The following NME9 variants were observed in gnomAD, a reference collection of about 807,000 sequenced individuals.
NME9 encodes thioredoxin domain-containing protein 6.
NME9 carries 48 observed loss-of-function variants against 44.4 expected under a neutral mutation model. The ratio of observed to expected loss-of-function variants is 1.08; its 90% CI spans 0.86 to 1.37. NME9 has a LOEUF of 1.37. Ranked by LOEUF, NME9 falls within the 40% of genes most tolerant of loss-of-function variation. The pLI is 0.00. For missense variants in NME9, 325 were observed against 405.2 expected, an observed-to-expected ratio of 0.80 and a Z score of 1.70; for synonymous variants, 139 against 147.1, an observed-to-expected ratio of 0.94 and a Z score of 0.40.
In NME9 at chr3:138,329,655, C is replaced by CGT; in HGVS notation, c.-321_-320insAC. The CGT allele has an allele frequency of 8.4e-7, 1 of 1,194,388 alleles. No homozygotes were observed. The highest frequency in any genetic ancestry group is 1.0e-6 in the Non-Finnish European group (1 of 960,404). 74.0% of individuals were successfully genotyped at this position (1,194,388 alleles called of 1,614,324 possible). Reference sequence around the variant, plus strand: ...CGCGCAGAGGCCGGAGTCAGTGCGCCGGGCGCGGTGCAGCCTGTCGGGCAC... The same window carrying CGT: ...CGCGCAGAGGCCGGAGTCAGTGCGCCGTGGGCGCGGTGCAGCCTGTCGGGCAC... On this transcript the variant is annotated 5_prime_UTR_variant, in exon 1 of 11. An upstream open reading frame in the 5' UTR gains an earlier in-frame stop. Transcript: ENST00000333911.
intron 8 of NME9, among the ~76,000 whole-genome samples, chr3:138,294,500 T>C (rs2051281517): frequency 6.6e-6 from 1 of 152,238 alleles, no homozygotes; most frequent in African/African-American, 2.4e-5. Flanking sequence ...TTCTGATGGA[T>C]TGGACTATTC....
intron 8 of NME9, among the ~76,000 whole-genome samples, chr3:138,271,798 C>CTTCTTTTTTTTTTTTTTTT (rs2048816573): frequency 7.3e-6 from 1 of 136,134 alleles, no homozygotes; most frequent in African/African-American, 2.8e-5. Context: ...TTTTTTCTTT[C>CTTCTTTTTTTTTTTTTTTT]TTTTTTTTTT....
At chr3:138,295,310 A>G (rs1425420119) in intron 8 of NME9, among the ~76,000 whole-genome samples, 1 of 152,202 alleles carries the variant, frequency 6.6e-6, no homozygotes, top group African/African-American at 2.4e-5. Context: ...GAAGAACAAG[A>G]TGAAATTGTA....
At chr3:138,275,882 CAG>C (rs1488761706) in intron 8 of NME9, among the ~76,000 whole-genome samples, 2 of 152,072 alleles carry the variant, frequency 1.3e-5, no homozygotes, top group Non-Finnish European at 2.9e-5. Context: ...AAATTTAACA[CAG>C]AGAAAGTATA....
chr3:138,263,439 T>C (rs1051347594), intron 8 of NME9: 1 of 305,472 alleles, frequency 3.3e-6, no homozygotes, highest in Non-Finnish European at 6.2e-6. Flanking sequence ...TTTCTCAAGA[T>C]TATTTACATA....
chr3:138,270,275 G>A, intron 8 of NME9: 1 of 615,432 alleles, frequency 1.6e-6, no homozygotes, highest in Non-Finnish European at 2.8e-6. Flanking sequence ...CTAATGACTA[G>A]GACCTAGAAG....
intron 8 of NME9, chr3:138,263,654 TG>T: frequency 8.6e-7 from 1 of 1,165,754 alleles, no homozygotes; most frequent in South Asian, 1.2e-5. Flanking sequence ...AAACTTTTAA[TG>T]GATGTTAACA....
chr3:138,287,680 A>G, intron 8 of NME9: 1 of 456,694 alleles, frequency 2.2e-6, no homozygotes, highest in Non-Finnish European at 4.4e-6. Flanking sequence ...TTAGAAGAAG[A>G]AAGAATCACT....
At chr3:138,290,558 G>A (rs1369668127) in intron 8 of NME9, 4 of 1,603,588 alleles carry the variant, frequency 2.5e-6, no homozygotes, top group Non-Finnish European at 2.6e-6. Context: ...TCACAAGAAC[G>A]CCAGGATAAA....
exon 9 of NME9, chr3:138,261,861 A>G (rs993019907): frequency 2.6e-5 from 4 of 152,222 alleles, no homozygotes; most frequent in Admixed American, 6.5e-5. Context: ...GGAAGTTGCA[A>G]TGTGTGTCCC....
chr3:138,315,031 T>C (rs2108448963), intron 5 of NME9, among the ~76,000 whole-genome samples: 1 of 152,354 alleles, frequency 6.6e-6, no homozygotes, highest in East Asian at 1.9e-4. Flanking sequence ...AATGTTATCA[T>C]GGAAATAATG....
intron 8 of NME9, among the ~76,000 whole-genome samples, chr3:138,265,983 G>A (rs2108276080): frequency 6.6e-6 from 1 of 152,304 alleles, no homozygotes; most frequent in East Asian, 1.9e-4. Flanking sequence ...CTACTCAGGA[G>A]CTGTCAGGGG....
intron 8 of NME9, 21 bp from the exon 9 acceptor site, chr3:138,305,048 CAG>C (rs1196796850): frequency 1.2e-6 from 2 of 1,611,752 alleles, no homozygotes; most frequent in East Asian, 4.5e-5. Flanking sequence ...GGAGGGAAAA[CAG>C]TGACCAGGGC....
chr3:138,310,548 C>A (rs1184134393), intron 6 of NME9, among the ~76,000 whole-genome samples: 1 of 151,960 alleles, frequency 6.6e-6, no homozygotes, highest in Non-Finnish European at 1.5e-5. Flanking sequence ...TTTAAAAAAG[C>A]AGAAATCATA....
chr3:138,296,029 G>A, downstream of NME9: 3 of 702,492 alleles, frequency 4.3e-6, no homozygotes, highest in Non-Finnish European at 6.7e-6. Flanking sequence ...CAGTTTAGTA[G>A]GCTTAGATCT....
At chr3:138,263,878 C>T in intron 8 of NME9, 1 of 1,423,774 alleles carries the variant, frequency 7.0e-7, no homozygotes, top group Admixed American at 1.7e-5. Context: ...AACCTGTTTC[C>T]TTTCTGGTCC....
intron 6 of NME9, among the ~76,000 whole-genome samples, chr3:138,307,367 A>G (rs1195282165): frequency 6.6e-6 from 1 of 152,084 alleles, no homozygotes; most frequent in East Asian, 1.9e-4. Flanking sequence ...TGCTTATATT[A>G]TATAAACTTG....
intron 8 of NME9, among the ~76,000 whole-genome samples, chr3:138,268,227 A>C (rs2048459199): frequency 6.6e-6 from 1 of 152,164 alleles, no homozygotes; most frequent in African/African-American, 2.4e-5. Flanking sequence ...TGGGCAAAAG[A>C]GGGAGACTCC....
chr3:138,268,812 C>T lies in NME9; in HGVS notation c.746-6226G>A, dbSNP rs1416657914. Among the ~76,000 whole-genome samples, 7 of 151,968 alleles carry T rather than the reference C, an allele frequency of 4.6e-5. No homozygotes were observed. The East Asian group carries it at 1.4e-3, about 29-fold the overall frequency. Reference sequence around the variant, plus strand: ...ATTAAAAAAAAAATAGATTCTGAACCAAAGTGGGGGAGGGAAATGCTATAA... The same window carrying T: ...ATTAAAAAAAAAATAGATTCTGAACTAAAGTGGGGGAGGGAAATGCTATAA... On this transcript the variant is annotated intron_variant, in intron 8 of 8. Coordinates refer to the NME9 transcript ENST00000317876.
Sources: gnomAD v4.1 joint callset for allele counts (sites outside exome capture counted in the v4.1 genomes callset) on GRCh38, gnomAD v4.1.1 for gene constraint, MANE v1.5 for transcripts, NCBI Gene and HGNC (gene_info 2026-07-23, HGNC 2026-07-21) for gene names.